The following PCDHA6 variants were observed in gnomAD, a reference collection of about 807,000 sequenced individuals.
The protein encoded by PCDHA6 is protocadherin alpha-6.
A neutral mutation model predicts 60.3 loss-of-function variants in PCDHA6; 55 were observed. The ratio of observed to expected loss-of-function variants is 0.91; its 90% CI spans 0.73 to 1.14. The LOEUF is 1.14. Among genes scored for constraint, PCDHA6 ranks in the 50% most tolerant of loss-of-function variants. PCDHA6 has a pLI of 0.00. For missense variants in PCDHA6, 1,327 were observed against 1,256.5 expected (o/e 1.06, Z -0.85); for synonymous variants, 652 against 557.9 (o/e 1.17, Z -2.38).
chr5:141,011,822 A>G lies in PCDHA6; in HGVS notation c.*1885A>G, dbSNP rs181852141. 7 of 153,844 alleles carry G rather than the reference A, an allele frequency of 4.6e-5. No homozygotes were observed. The highest frequency in any genetic ancestry group is 1.4e-4 in the African/African-American group (6 of 41,546). The allele number at this position is 153,844 out of a possible 1,614,324, so 9.5% of individuals were successfully genotyped here. A position where few individuals can be genotyped will look rare whatever the true frequency, so the allele number is the denominator to read the frequency against. On this transcript the variant is annotated 3_prime_UTR_variant, in exon 4 of 4. Transcript: ENST00000529310. ...ATATCAGCTCATAGAAAGTAACAAA[A>G]TTTGCTGTCACCTTAAATAAGACAT...
Position 140,858,130 on chromosome 5 carries a change from C to G in PCDHA6, c.2394+27645C>G, listed in dbSNP as rs1210306605. ...CGCCCGAGGTGGCCCTGGTGGATGT[C>G]AACGTGTACCTGATCATCGCCATCT... On this transcript the variant is annotated intron_variant, in intron 1 of 3. Transcript: ENST00000529310. 27 of 1,597,776 alleles carry G rather than the reference C, an allele frequency of 1.7e-5. 5 individuals carry two copies. The highest frequency in any genetic ancestry group is 2.3e-5 in the Non-Finnish European group (27 of 1,167,556).
intron 1 of PCDHA6, chr5:140,883,540 G>A (rs782359917): frequency 1.9e-6 from 3 of 1,614,222 alleles, no homozygotes; most frequent in Non-Finnish European, 2.5e-6. Context: ...ATGAACTGGT[G>A]GTGACCGCGC....
chr5:140,895,225 G>A (rs1472993401), intron 1 of PCDHA6, among the ~76,000 whole-genome samples: 1 of 152,050 alleles, frequency 6.6e-6, no homozygotes, highest in African/African-American at 2.4e-5. Flanking sequence ...ATTTTACTGA[G>A]TTTTCTCATC....
At chr5:140,965,113 G>C (rs1343720863) in intron 1 of PCDHA6, among the ~76,000 whole-genome samples, 1 of 152,218 alleles carries the variant, frequency 6.6e-6, no homozygotes, top group Non-Finnish European at 1.5e-5. Context: ...ATGACCCATA[G>C]AGGAAGATCT....
intron 1 of PCDHA6, chr5:140,926,750 G>T: frequency 8.0e-7 from 1 of 1,256,516 alleles, no homozygotes; most frequent in East Asian, 2.9e-5. Context: ...AACGTCGGCG[G>T]TCGCTGAGTA....
chr5:140,901,611 T>C (rs1261733801), intron 1 of PCDHA6, among the ~76,000 whole-genome samples: 1 of 152,204 alleles, frequency 6.6e-6, no homozygotes, highest in Non-Finnish European at 1.5e-5. Flanking sequence ...ATCTCTATGG[T>C]ATAATTTGAA....
chr5:140,858,097 G>A (rs2045175006), intron 1 of PCDHA6: 1 of 1,597,732 alleles, frequency 6.3e-7, no homozygotes, highest in Non-Finnish European at 8.6e-7. Context: ...GGGCTTCAGT[G>A]GGCGTGGCGC....
At chr5:140,841,789 C>A (rs2150322679) in intron 1 of PCDHA6, 20 of 1,613,730 alleles carry the variant, frequency 1.2e-5, no homozygotes, top group Non-Finnish European at 1.6e-5. Context: ...CGCTAGAGGG[C>A]GCGTCCGATG....
At chr5:140,882,343 G>T (rs1554173636) in intron 1 of PCDHA6, 1 of 1,614,198 alleles carries the variant, frequency 6.2e-7, no homozygotes, top group Admixed American at 1.7e-5. Context: ...CAGCCTGGGA[G>T]ACGGGTAGTG....
At chr5:140,884,954 T>C (rs2060416589) in intron 1 of PCDHA6, among the ~76,000 whole-genome samples, 1 of 152,208 alleles carries the variant, frequency 6.6e-6, no homozygotes, top group Non-Finnish European at 1.5e-5. Context: ...TTACAAAAAA[T>C]TCCTCACGTT....
chr5:140,946,781 G>A (rs1006814243), intron 1 of PCDHA6, among the ~76,000 whole-genome samples: 6 of 151,330 alleles, frequency 4.0e-5, no homozygotes, highest in African/African-American at 1.2e-4. Flanking sequence ...ATGTAAAAAA[G>A]CTGATCTTAT....
At chr5:140,896,450 C>G (rs1009231622) in intron 1 of PCDHA6, among the ~76,000 whole-genome samples, 5 of 152,092 alleles carry the variant, frequency 3.3e-5, no homozygotes, top group Admixed American at 1.3e-4. Flanking sequence ...GCAACCTCCA[C>G]CTCCTGGGTT....
rs2150226438 is a variant in PCDHA6, at chr5:140,834,780, T to A, written c.2394+4295T>A. ...GGACATTAACGACAACCCTCCGGTGTTCCCAGCGACACAAAGGAATCTGTT... is the reference window on the plus strand; with the variant it reads ...GGACATTAACGACAACCCTCCGGTGATCCCAGCGACACAAAGGAATCTGTT... On this transcript the variant is annotated intron_variant, in intron 1 of 3. Coordinates refer to ENST00000529310, the MANE Select transcript of PCDHA6 (RefSeq NM_018909.4). 3.1e-6 allele frequency: 5 copies of A among 1,613,846 alleles called. No homozygotes were observed. The South Asian group carries it at 3.3e-5, about 11-fold the overall frequency.
intron 1 of PCDHA6, chr5:140,852,646 A>G (rs1554146012): frequency 1.0e-6 from 1 of 958,708 alleles, no homozygotes; most frequent in Admixed American, 6.4e-5. Context: ...CATTAAACCT[A>G]TCTATATCTG....
chr5:140,967,276 G>C, intron 1 of PCDHA6: 2 of 1,613,398 alleles, frequency 1.2e-6, no homozygotes. Context: ...TTCACATAGA[G>C]AGTGCGCAGG....
At chr5:140,930,842 T>C (rs183476886) in intron 1 of PCDHA6, among the ~76,000 whole-genome samples, 1 of 152,338 alleles carries the variant, frequency 6.6e-6, no homozygotes, top group Admixed American at 6.5e-5. Flanking sequence ...TGAATAAATA[T>C]GTGCATATAT....
At chr5:140,883,974 G>A (rs782820820) in intron 1 of PCDHA6, 6 of 1,612,844 alleles carry the variant, frequency 3.7e-6, no homozygotes, top group African/African-American at 2.7e-5. Flanking sequence ...CTGACGCCCG[G>A]GGCTGGCAGC....
At chr5:140,841,420 C>T in intron 1 of PCDHA6, 2 of 1,613,022 alleles carry the variant, frequency 1.2e-6, no homozygotes, top group African/African-American at 1.3e-5. Context: ...AGCTCCACTA[C>T]TCCGTCCCCG....
At chr5:140,877,992 A>G (rs572306139) in intron 1 of PCDHA6, 7 of 1,096,526 alleles carry the variant, frequency 6.4e-6, no homozygotes, top group Non-Finnish European at 8.6e-6. Flanking sequence ...TTGAACTTTT[A>G]TGTATTTGTC....
Sources: allele counts gnomAD v4.1 joint callset (sites outside exome capture counted in the v4.1 genomes callset), GRCh38; gene constraint gnomAD v4.1.1; transcripts MANE v1.5; gene names NCBI Gene and HGNC (gene_info 2026-07-23, HGNC 2026-07-21).